GPRIN3: variants seen among roughly 807,000 people sequenced by gnomAD.
GPRIN3 encodes the protein G protein-regulated inducer of neurite outgrowth 3.
A neutral mutation model predicts 13.7 loss-of-function variants in GPRIN3; 12 were observed. The ratio of observed to expected loss-of-function variants is 0.87; its 90% CI spans 0.56 to 1.42. GPRIN3 has a LOEUF of 1.42. GPRIN3 is among the 40% of genes most tolerant of loss of function. GPRIN3 has a pLI of 0.00. For synonymous variants in GPRIN3, 377 were observed against 372.7 expected (o/e 1.01, Z -0.13); for missense variants, 1,009 against 958.7 (o/e 1.05, Z -0.69).
At chr4:89,251,028 T>C (rs1028558650) in intron 1 of GPRIN3, 1 of 151,858 alleles carries the variant, frequency 6.6e-6, no homozygotes, top group African/African-American at 2.4e-5. Context: ...CTATAAAAAA[T>C]ACAAGATTTT....
At position 89,248,203 on chromosome 4, in the gene GPRIN3, G is replaced by A. The variant is rs770793385; in HGVS notation, c.1908C>T (p.Ser636=). 3 of 1,614,190 alleles carry A rather than the reference G, an allele frequency of 1.9e-6. No homozygotes were observed. The highest frequency in any genetic ancestry group is 4.5e-5 in the East Asian group (2 of 44,884). Residue 636 remains serine (S), a synonymous_variant, in exon 2 of 2, where the codon AGC becomes AGT. Coordinates refer to ENST00000609438, the MANE Select transcript of GPRIN3 (RefSeq NM_198281.3). ...RSVKASPRRP[S]RVSEFLKEQK... ...GCTCCTTGAGGAACTCGCTGACGCG[G>A]CTGGGCCTGCGTGGGCTGGCTTTGA...
rs965871581 is a variant in GPRIN3 at position 89,249,235 on chromosome 4, C to T, written c.876G>A (p.Met292Ile). 1 of 1,614,134 alleles carries T rather than the reference C, an allele frequency of 6.2e-7. No individual in the cohort carries two copies. Among genetic ancestry groups the T allele is most frequent in the Non-Finnish European group, 8.5e-7 (1 of 1,180,036 alleles). The change falls in exon 2 of 2, where the codon ATG becomes ATA. Residue 292 changes from methionine to isoleucine, a missense_variant. Coordinates refer to ENST00000609438, the MANE Select transcript of GPRIN3 (RefSeq NM_198281.3). The stretch of plus-strand genomic sequence containing the variant: ...TCGTACTGGCTTCTTTGAACCTTGA[C>T]ATCTGACGCTGTGCTGGCAGCGGCA... The part of the protein sequence containing the change: ...EKVPLPAQRQ[M>I]SRFKEASTMT...
At chr4:89,281,833 A>G (rs866117554) in intron 1 of GPRIN3, among the ~76,000 whole-genome samples, 10 of 152,108 alleles carry the variant, frequency 6.6e-5, no homozygotes, top group African/African-American at 2.4e-4. Context: ...ACAACTCAGC[A>G]TTTTCTTCTA....
chr4:89,294,372 C>A (rs2110018374), intron 1 of GPRIN3, among the ~76,000 whole-genome samples: 1 of 152,268 alleles, frequency 6.6e-6, no homozygotes, highest in South Asian at 2.1e-4. Flanking sequence ...CAAAATGAGA[C>A]CCAACTCCTC....
intron 1 of GPRIN3, among the ~76,000 whole-genome samples, chr4:89,296,819 T>C (rs1226579420): frequency 2.0e-5 from 3 of 152,284 alleles, no homozygotes; most frequent in Non-Finnish European, 4.4e-5. Context: ...ACCTATGCAA[T>C]GATCTATAAA....
At chr4:89,252,506 T>C (rs750550004) in intron 1 of GPRIN3, among the ~76,000 whole-genome samples, 11 of 152,180 alleles carry the variant, frequency 7.2e-5, no homozygotes, top group Admixed American at 1.3e-4. Flanking sequence ...TTGCACATGA[T>C]GAATAATACA....
In GPRIN3 at chr4:89,241,350, A is replaced by G. The variant is rs1036269109; in HGVS notation, c.*6430T>C. The G allele has an allele frequency of 2.0e-5, 3 of 152,272 alleles. No individual in the cohort carries two copies. The East Asian group carries it at 5.8e-4, about 29-fold the overall frequency. 9.4% of individuals were successfully genotyped at this position (152,272 alleles called of 1,614,324 possible). A position where few individuals can be genotyped will look rare whatever the true frequency, so the allele number is the denominator to read the frequency against. On this transcript the variant is annotated 3_prime_UTR_variant, in exon 2 of 2. Coordinates refer to ENST00000609438, the MANE Select transcript of GPRIN3 (RefSeq NM_198281.3). Reference sequence around the variant, plus strand: ...CCTGAATACAGAAATTGGCCTTTAAATGGGATACGACAAGTTATTTTTTTT... The same window carrying G: ...CCTGAATACAGAAATTGGCCTTTAAGTGGGATACGACAAGTTATTTTTTTT...
chr4:89,286,363 T>C (rs984124124), intron 1 of GPRIN3, among the ~76,000 whole-genome samples: 1 of 152,104 alleles, frequency 6.6e-6, no homozygotes, highest in African/African-American at 2.4e-5. Flanking sequence ...GTCTGCAAAA[T>C]CTTTTGCTTG....
At chr4:89,306,571 T>C (rs72874808) in intron 1 of GPRIN3, among the ~76,000 whole-genome samples, 2,953 of 152,300 alleles carry the variant, frequency 0.019, 100 homozygotes, top group African/African-American at 0.068. Flanking sequence ...AATATTTAGA[T>C]GGAGCATACC....
chr4:89,287,066 A>G (rs1251470548), intron 1 of GPRIN3, among the ~76,000 whole-genome samples: 2 of 152,218 alleles, frequency 1.3e-5, no homozygotes, highest in East Asian at 3.9e-4. Context: ...TCAATGGAAA[A>G]CAAATGAATT....
In GPRIN3 at chr4:89,256,908, G is replaced by T. The variant is rs140376375; in HGVS notation, c.-123-6675C>A. The stretch of plus-strand genomic sequence containing the variant: ...TTGCTCCCTTTAATTGGGAACTTTT[G>T]CCTGGATCATTTGCATTCTGAACCC... On this transcript the variant is annotated intron_variant, in intron 1 of 1. Coordinates refer to ENST00000609438, the MANE Select transcript of GPRIN3 (RefSeq NM_198281.3). Among the ~76,000 whole-genome samples, 209 of 152,288 alleles carry T rather than the reference G, an allele frequency of 1.4e-3. 1 individual carries two copies. Among genetic ancestry groups the T allele is most frequent in the Middle Eastern group, 6.8e-3 (2 of 294 alleles).
At chr4:89,266,153 AC>A (rs1199806479) in intron 1 of GPRIN3, among the ~76,000 whole-genome samples, 8 of 152,204 alleles carry the variant, frequency 5.3e-5, no homozygotes, top group Non-Finnish European at 8.8e-5. Flanking sequence ...CAGTGATTCT[AC>A]CCCTTGGAAT....
Position 89,268,434 on chromosome 4 carries a change from AT to A in GPRIN3, c.-123-18202del, listed in dbSNP as rs1723840634. 2.0e-5 allele frequency among the ~76,000 whole-genome samples: 3 copies of A among 152,168 alleles called. No homozygotes were observed. In the South Asian group the frequency reaches 6.2e-4, roughly 32 times the overall value. ...GGAGAATGTTGGAGAGATTGCAAAG[AT>A]GGTTCAAGCACAGGGAACAAGGCTA... On this transcript the variant is annotated intron_variant, in intron 1 of 1. Coordinates refer to ENST00000609438, the MANE Select transcript of GPRIN3 (RefSeq NM_198281.3).
At chr4:89,250,650 T>A (rs1021645805) in intron 1 of GPRIN3, 11 of 152,120 alleles carry the variant, frequency 7.2e-5, no homozygotes, top group Admixed American at 6.5e-4. Flanking sequence ...AAATAAGAAA[T>A]CTAGGGATAG....
chr4:89,300,580 G>C (rs1251929113), intron 1 of GPRIN3, among the ~76,000 whole-genome samples: 1 of 152,128 alleles, frequency 6.6e-6, no homozygotes, highest in African/African-American at 2.4e-5. Context: ...CTGAGGCCCA[G>C]ACAGGTAAAG....
At chr4:89,298,236 T>C (rs1724797502) in intron 1 of GPRIN3, among the ~76,000 whole-genome samples, 1 of 152,166 alleles carries the variant, frequency 6.6e-6, no homozygotes, top group South Asian at 2.1e-4. Flanking sequence ...TGCTTCTTAG[T>C]TGTTTTTAGG....
rs376200101 is a variant in GPRIN3, at chr4:89,248,694, T to G, written c.1417A>C (p.Ile473Leu). The G allele has an allele frequency of 5.0e-6, 8 of 1,614,196 alleles. No homozygotes were observed. Among genetic ancestry groups the G allele is most frequent in the Non-Finnish European group, 5.9e-6 (7 of 1,180,018 alleles). Reference protein sequence around the residue: ...LKATAIDQISISACSQAETSY... With the variant: ...LKATAIDQISLSACSQAETSY... ...GTTTCAGCTTGACTGCATGCACTGA[T>G]AGAAATCTGGTCAATGGCGGTAGCT... Residue 473 changes from isoleucine to leucine, a missense_variant, in exon 2 of 2, where the codon ATC (isoleucine) becomes CTC (leucine). Coordinates refer to ENST00000609438, the MANE Select transcript of GPRIN3 (RefSeq NM_198281.3).
At chr4:89,292,217 C>A in intron 1 of GPRIN3, among the ~76,000 whole-genome samples, 1 of 152,064 alleles carries the variant, frequency 6.6e-6, no homozygotes, top group East Asian at 1.9e-4. Flanking sequence ...TGTGGAACAC[C>A]AAAAGAATTT....
intron 1 of GPRIN3, among the ~76,000 whole-genome samples, chr4:89,254,843 CCTTT>C (rs1423314176): frequency 6.6e-6 from 1 of 152,048 alleles, no homozygotes; most frequent in Non-Finnish European, 1.5e-5. Flanking sequence ...TTTTTCCTTC[CCTTT>C]CTTTTCCTTC....
Sources: allele counts gnomAD v4.1 joint callset (sites outside exome capture counted in the v4.1 genomes callset), GRCh38; gene constraint gnomAD v4.1.1; transcripts MANE v1.5; gene names NCBI Gene and HGNC (gene_info 2026-07-23, HGNC 2026-07-21).